Variants in SLC11A2 observed in about 807,000 individuals in gnomAD.
SLC11A2 encodes the protein natural resistance-associated macrophage protein 2.
A neutral mutation model predicts 68.0 loss-of-function variants in SLC11A2; 38 were observed. That is an observed-to-expected ratio of 0.56 (90% CI 0.43 to 0.73). The LOEUF is 0.73. SLC11A2 is among the 30% of genes least tolerant of loss of function. The pLI is 0.00. For synonymous variants in SLC11A2, 242 were observed against 250.6 expected (o/e 0.97, Z 0.32); for missense variants, 517 against 690.5 (o/e 0.75, Z 2.82).
intron 1 of SLC11A2, among the ~76,000 whole-genome samples, chr12:51,012,797 C>T (rs1943337809): frequency 6.6e-6 from 1 of 152,172 alleles, no homozygotes; most frequent in Non-Finnish European, 1.5e-5. Context: ...CATGTGTCTC[C>T]TGTCAGGTTT....
chr12:50,963,180 G>A, the SLC11A2 span, among the ~76,000 whole-genome samples: 2 of 151,690 alleles, frequency 1.3e-5, no homozygotes, highest in Non-Finnish European at 2.9e-5. Context: ...GACAAGCCTG[G>A]TCAACATGGT....
the SLC11A2 span, among the ~76,000 whole-genome samples, chr12:50,957,123 GAAT>G: frequency 5.3e-5 from 8 of 151,722 alleles, no homozygotes; most frequent in Admixed American, 5.3e-4. Context: ...GATCATGAAA[GAAT>G]AAATATATCC....
At chr12:51,022,957 G>T (rs1043745404) in intron 1 of SLC11A2, among the ~76,000 whole-genome samples, 9 of 152,210 alleles carry the variant, frequency 5.9e-5, no homozygotes, top group African/African-American at 2.2e-4. Context: ...AAGTGGAAGA[G>T]AAGTTAGGCC....
At chr12:51,015,712 G>T (rs1566033791) in intron 1 of SLC11A2, among the ~76,000 whole-genome samples, 1 of 152,076 alleles carries the variant, frequency 6.6e-6, no homozygotes, top group Non-Finnish European at 1.5e-5. Flanking sequence ...AATCAACCCA[G>T]CAATACTTTG....
At chr12:51,025,082 T>C (rs1318192199) in intron 1 of SLC11A2, among the ~76,000 whole-genome samples, 1 of 152,202 alleles carries the variant, frequency 6.6e-6, no homozygotes, top group African/African-American at 2.4e-5. Flanking sequence ...CCAACCGTAT[T>C]TAATAAAACA....
rs28651478 is a variant in SLC11A2, at chr12:50,992,213, G to C, written c.1324C>G (p.Leu442Val). Residue 442 changes from leucine (L) to valine (V), a missense_variant, in exon 13 of 16, where the codon CTG becomes GTG. Leu to Val is a conservative substitution (Grantham distance 32). Transcript: ENST00000262052. ...ACCTGTAAGCTCTGTAGAACATTCA[G>C]AAAGTCATTCATCCCTGTTAGATGC... ...VEHLTGMNDF[L>V]NVLQSLQLPF... The C allele has an allele frequency of 6.2e-7, 1 of 1,613,870 alleles. No individual in the cohort carries two copies. Among genetic ancestry groups the C allele is most frequent in the African/African-American group, 1.3e-5 (1 of 74,880 alleles).
chr12:51,016,048 G>A (rs1943624579), intron 1 of SLC11A2, among the ~76,000 whole-genome samples: 1 of 152,076 alleles, frequency 6.6e-6, no homozygotes, highest in Non-Finnish European at 1.5e-5. Context: ...CTCCCAAAGT[G>A]CTGGGATTAC....
At chr12:50,958,374 C>T in the SLC11A2 span, among the ~76,000 whole-genome samples, 36 of 151,184 alleles carry the variant, frequency 2.4e-4, no homozygotes, top group East Asian at 1.2e-3. Flanking sequence ...CTCTGCCTCC[C>T]GGGTTCACAC....
chr12:50,958,243 T>C, the SLC11A2 span, among the ~76,000 whole-genome samples: 2 of 151,876 alleles, frequency 1.3e-5, no homozygotes, highest in Non-Finnish European at 2.9e-5. Flanking sequence ...TTCTAAATCT[T>C]ATATGGAAAG....
chr12:50,955,334 A>G, the SLC11A2 span, among the ~76,000 whole-genome samples: 1 of 152,180 alleles, frequency 6.6e-6, no homozygotes. Context: ...TTCCCCACAC[A>G]TATTTAGTAT....
At chr12:50,973,279 C>T in the SLC11A2 span, among the ~76,000 whole-genome samples, 1 of 152,138 alleles carries the variant, frequency 6.6e-6, no homozygotes, top group Non-Finnish European at 1.5e-5. Context: ...GCCGGGTATC[C>T]CTCTGAGATG....
chr12:51,004,748 T>C (rs764493460), intron 5 of SLC11A2, 40 bp downstream of exon 5: 3 of 1,610,420 alleles, frequency 1.9e-6, no homozygotes, highest in Non-Finnish European at 2.5e-6. Context: ...CAGATTCCTA[T>C]GGCATGGGTG....
chr12:51,019,006 GA>G (rs1178292362), intron 1 of SLC11A2, among the ~76,000 whole-genome samples: 1 of 151,836 alleles, frequency 6.6e-6, no homozygotes, highest in Non-Finnish European at 1.5e-5. Context: ...CATTAAATAG[GA>G]AAAAACTTTC....
chr12:50,956,353 C>T, the SLC11A2 span, among the ~76,000 whole-genome samples: 1 of 152,132 alleles, frequency 6.6e-6, no homozygotes, highest in East Asian at 1.9e-4. Context: ...GATTGCGCCA[C>T]TGCACTCCAG....
At chr12:50,979,919 T>G (rs1003876556), downstream of SLC11A2, 7 of 453,956 alleles carry the variant, frequency 1.5e-5, no homozygotes, top group Non-Finnish European at 3.1e-5. Flanking sequence ...TCAACACCTT[T>G]GGGGCTAGAA....
chr12:50,961,432 C>T, the SLC11A2 span, among the ~76,000 whole-genome samples: 1 of 152,150 alleles, frequency 6.6e-6, no homozygotes, highest in Admixed American at 6.6e-5. Flanking sequence ...TGGCTGTGAT[C>T]CCCATCTCAT....
chr12:51,017,231 C>G (rs1165773243), intron 1 of SLC11A2, among the ~76,000 whole-genome samples: 2 of 151,882 alleles, frequency 1.3e-5, no homozygotes, highest in Non-Finnish European at 2.9e-5. Context: ...TGTAAACAAC[C>G]TTGATATTAG....
rs2136148827 is a variant in SLC11A2 at position 50,986,117 on chromosome 12, C to T, written c.*2208G>A. Reference sequence around the variant, plus strand: ...CCTCAAGGGAGCCAAGAGCTCTTCCCTTTTCCCCTGTTAATTTCCAGTATA... The same window carrying T: ...CCTCAAGGGAGCCAAGAGCTCTTCCTTTTTCCCCTGTTAATTTCCAGTATA... On this transcript the variant is annotated 3_prime_UTR_variant, in exon 16 of 16. Coordinates refer to ENST00000262052, the MANE Select transcript of SLC11A2 (RefSeq NM_000617.3). 7 of 1,286,580 alleles carry T rather than the reference C, an allele frequency of 5.4e-6. No homozygotes were observed. The highest frequency in any genetic ancestry group is 2.3e-5 in the Admixed American group (1 of 43,536). 79.7% of individuals were successfully genotyped at this position (1,286,580 alleles called of 1,614,324 possible).
intron 5 of SLC11A2, 139 bp downstream of exon 5, chr12:51,004,649 C>T (rs1350621543): frequency 1.9e-5 from 16 of 840,934 alleles, no homozygotes; most frequent in South Asian, 2.9e-5. Flanking sequence ...ACAGTATTTC[C>T]GTTGGTACCG....
Sources: gnomAD v4.1 joint callset for allele counts (sites outside exome capture counted in the v4.1 genomes callset) on GRCh38, gnomAD v4.1.1 for gene constraint, MANE v1.5 for transcripts, NCBI Gene and HGNC (gene_info 2026-07-23, HGNC 2026-07-21) for gene names.